PRODH2: variants seen among roughly 807,000 people sequenced by gnomAD.
PRODH2 encodes the protein hydroxyproline dehydrogenase.
PRODH2 carries 49 observed loss-of-function variants against 51.9 expected under a neutral mutation model. That is an observed-to-expected ratio of 0.94 (90% CI 0.75 to 1.20). The LOEUF is 1.20. PRODH2 is among the 50% of genes most tolerant of loss of function. PRODH2 has a pLI of 0.00. For missense variants in PRODH2, 597 were observed against 610.9 expected (o/e 0.98, Z 0.24); for synonymous variants, 249 against 260.7 (o/e 0.96, Z 0.43).
rs375683863 is a variant in PRODH2, at chr19:35,800,141, T to C, written c.1280A>G (p.Gln427Arg). The C allele has an allele frequency of 1.2e-6, 2 of 1,607,278 alleles. No homozygotes were observed. The highest frequency in any genetic ancestry group is 1.7e-6 in the Non-Finnish European group (2 of 1,176,646). Reference sequence around the variant, plus strand: ...ACCCTGAAGCACGCTCCGGTTCTCCTGGGCCCTCCGGATCAGGTAGGGGAT... The same window carrying C: ...ACCCTGAAGCACGCTCCGGTTCTCCCGGGCCCTCCGGATCAGGTAGGGGAT... The part of the protein sequence containing the change: ...EVIPYLIRRA[Q>R]ENRSVLQGAR... Residue 427 changes from glutamine (Q) to arginine (R), a missense_variant, in exon 10 of 10, where the codon CAG becomes CGG. By Grantham distance (43) the Gln-to-Arg change is conservative (BLOSUM62 1). Transcript: ENST00000653904.
Position 35,803,032 on chromosome 19 carries a change from C to T in PRODH2, c.1048G>A (p.Gly350Ser), listed in dbSNP as rs1243180610. The change falls in exon 8 of 10, where the codon GGC (glycine) becomes AGC (serine). Residue 350 changes from glycine (G) to serine (S), a missense_variant. Gly to Ser is a moderately conservative substitution (Grantham distance 56). Coordinates refer to ENST00000653904, the MANE Select transcript of PRODH2 (RefSeq NM_021232.2). ...ELMLTHVARH[G>S]PMCHLMVASH... is the part of the protein sequence containing the mutation. ...GCCACCATGAGGTGGCACATGGGGC[C>T]ATGGCGGGCCACGTGCGTCAGCATC... The T allele has an allele frequency of 6.4e-7, 1 of 1,572,962 alleles. No individual in the cohort carries two copies. Among genetic ancestry groups the T allele is most frequent in the Non-Finnish European group, 8.6e-7 (1 of 1,156,222 alleles).
At chr19:35,807,888 G>A (rs1972540102) in intron 4 of PRODH2, among the ~76,000 whole-genome samples, 1 of 151,946 alleles carries the variant, frequency 6.6e-6, no homozygotes, top group South Asian at 2.1e-4. Flanking sequence ...CAATCCTCCT[G>A]CTTCAGCCTT....
chr19:35,810,839 G>A (rs770648535), intron 4 of PRODH2, among the ~76,000 whole-genome samples: 20 of 152,210 alleles, frequency 1.3e-4, no homozygotes, highest in Admixed American at 7.2e-4. Context: ...AATCTTGATA[G>A]GGATTTGGAT....
Position 35,812,125 on chromosome 19 carries a change from A to G in PRODH2, c.510+9T>C, listed in dbSNP as rs532842972. On this transcript the variant is annotated intron_variant, in intron 3 of 9. Transcript: ENST00000653904. ...GCCCTCCCCGCACCCCCGTCTTTGC[A>G]CTCCTTACACAGAGCCGAGTACTGG... 5 of 1,613,018 alleles carry G rather than the reference A, an allele frequency of 3.1e-6. No homozygotes were observed. In the South Asian group the frequency reaches 5.5e-5, roughly 18 times the overall value.
intron 9 of PRODH2, among the ~76,000 whole-genome samples, chr19:35,801,436 T>A (rs975519096): frequency 6.6e-6 from 1 of 152,026 alleles, no homozygotes; most frequent in South Asian, 2.1e-4. Flanking sequence ...ACTGGACTCC[T>A]GCCTGGGTAA....
At chr19:35,802,129 G>T in intron 9 of PRODH2, 62 bp downstream of exon 9, 1 of 1,486,614 alleles carries the variant, frequency 6.7e-7, no homozygotes, top group Non-Finnish European at 9.4e-7. Context: ...ATAGGAGAAG[G>T]GCTCTGGCTG....
chr19:35,800,926 G>A (rs919354864), intron 9 of PRODH2, among the ~76,000 whole-genome samples: 16 of 152,178 alleles, frequency 1.1e-4, no homozygotes, highest in Admixed American at 7.9e-4. Context: ...GTCTTGGTCT[G>A]TCGCCCTGGC....
At chr19:35,802,380 G>T (rs1339049964) in intron 8 of PRODH2, 104 bp from the exon 9 acceptor site, 1 of 993,742 alleles carries the variant, frequency 1.0e-6, no homozygotes, top group African/African-American at 1.6e-5. Context: ...AAACATTGAA[G>T]TATTTCCAAA....
chr19:35,805,231 C>T (rs190399452), intron 7 of PRODH2, among the ~76,000 whole-genome samples: 11 of 152,134 alleles, frequency 7.2e-5, no homozygotes, highest in Admixed American at 2.6e-4. Flanking sequence ...TTCTATGATA[C>T]GTGAATTATA....
At chr19:35,804,077 C>G (rs567068936) in intron 7 of PRODH2, among the ~76,000 whole-genome samples, 77 of 152,324 alleles carry the variant, frequency 5.1e-4, no homozygotes, top group Admixed American at 4.6e-3. Flanking sequence ...CTCACCCTGA[C>G]TGTGTTCTGT....
chr19:35,811,284 G>A (rs889000260), intron 4 of PRODH2, among the ~76,000 whole-genome samples: 3 of 151,760 alleles, frequency 2.0e-5, no homozygotes, highest in Non-Finnish European at 4.4e-5. Context: ...TGGGTGTGGT[G>A]GCTCACACCT....
Position 35,812,710 on chromosome 19 carries a change from C to T in PRODH2, c.96G>A (p.Lys32=), listed in dbSNP as rs767281079. ...LSFDGGAFHL[K]GTGELTRALL... ...AGGCCCGTGTCAGCTCTCCTGTGCC[C>T]TTAAGGTGGAAGGCCCCGCCATCAA... Residue 32 remains lysine (K), a synonymous_variant, in exon 1 of 10, where the codon AAG becomes AAA. Transcript: ENST00000653904. The T allele has an allele frequency of 1.2e-6, 2 of 1,611,704 alleles. No homozygotes were observed. Among genetic ancestry groups the T allele is most frequent in the East Asian group, 4.5e-5 (2 of 44,864 alleles).
At chr19:35,806,282 C>T in intron 7 of PRODH2, 148 bp downstream of exon 7, 1 of 983,976 alleles carries the variant, frequency 1.0e-6, no homozygotes, top group South Asian at 1.6e-5. Flanking sequence ...TGGGGTCTCC[C>T]TGTGTTGCCC....
At chr19:35,801,930 A>C (rs1174228964) in intron 9 of PRODH2, 5 of 475,560 alleles carry the variant, frequency 1.1e-5, no homozygotes, top group Non-Finnish European at 1.5e-5. Context: ...AGGAAACATT[A>C]ATTACCTGGT....
chr19:35,805,043 G>T (rs562800971), intron 7 of PRODH2, among the ~76,000 whole-genome samples: 1 of 152,232 alleles, frequency 6.6e-6, no homozygotes, highest in South Asian at 2.1e-4. Context: ...GAGACAAAAA[G>T]TAGGTTAGTG....
chr19:35,803,934 G>A (rs1428838746), intron 7 of PRODH2, among the ~76,000 whole-genome samples: 1 of 97,154 alleles, frequency 1.0e-5, no homozygotes, highest in Non-Finnish European at 2.8e-5. Flanking sequence ...ATCCTCTGTG[G>A]GTCTTCCCTA....
intron 8 of PRODH2, 79 bp from the exon 9 acceptor site, chr19:35,802,355 C>A (rs529255326): frequency 1.8e-4 from 219 of 1,197,342 alleles, no homozygotes; most frequent in Non-Finnish European, 2.6e-4. Flanking sequence ...ACCCATATGG[C>A]GGCTCCAGTA....
chr19:35,805,129 A>G lies in PRODH2; in HGVS notation c.1001+1301T>C, dbSNP rs375776746. 8.1e-4 allele frequency among the ~76,000 whole-genome samples: 123 copies of G among 152,248 alleles called. 2 individuals carry two copies. The South Asian group carries it at 0.017, about 22-fold the overall frequency. ...TGGTATGAGGTTACTTTTTGGGGTG[A>G]TGAAAATATTGTGGAATCAAAGAGT... On this transcript the variant is annotated intron_variant, in intron 7 of 9. Coordinates refer to ENST00000653904, the MANE Select transcript of PRODH2 (RefSeq NM_021232.2).
chr19:35,809,112 CTTCCTTCCTTCCTTCCT>C (rs1265304807), intron 4 of PRODH2, among the ~76,000 whole-genome samples: 5 of 147,006 alleles, frequency 3.4e-5, no homozygotes, highest in Admixed American at 1.3e-4. Flanking sequence ...TTCTTTCTTC[CTTCCTTCCTTCCTTCCT>C]TTCCTTCCTT....
Sources: allele counts gnomAD v4.1 joint callset (sites outside exome capture counted in the v4.1 genomes callset), GRCh38; gene constraint gnomAD v4.1.1; transcripts MANE v1.5; gene names NCBI Gene and HGNC (gene_info 2026-07-23, HGNC 2026-07-21).